Variants in DLG5 observed in about 807,000 individuals in gnomAD.
DLG5 encodes the protein disks large homolog 5.
DLG5 carries 48 observed loss-of-function variants against 189.8 expected under a neutral mutation model. The observed-to-expected ratio is 0.25, with a 90% CI of 0.20 to 0.32. The LOEUF (loss-of-function observed/expected upper bound fraction) is 0.32, where lower values mean the gene tolerates loss of function less well. DLG5 is among the 10% of genes least tolerant of loss of function. The pLI, the probability that DLG5 is intolerant of heterozygous loss-of-function variation, is 1.00. For synonymous variants in DLG5, 1,016 were observed against 1,054.1 expected (o/e 0.96, Z 0.70); for missense variants, 2,160 against 2,544.7 (o/e 0.85, Z 3.25).
chr10:77,926,851 G>GCTCCCC (rs759971426), upstream of DLG5: 732 of 210,420 alleles, frequency 3.5e-3, 6 homozygotes, highest in African/African-American at 0.016. This position sits in a 1 kb window ranked among gnomAD's most constrained non-coding sequence, Gnocchi z 5.2. Context: ...AGCCGGGCAT[G>GCTCCCC]CTCCCCCTCC....
intron 27 of DLG5, among the ~76,000 whole-genome samples, chr10:77,801,757 T>C (rs1380240423): frequency 3.3e-5 from 5 of 152,210 alleles, no homozygotes; most frequent in African/African-American, 1.2e-4. Context: ...CCTGGAAAGA[T>C]GACTTCTCAC....
chr10:77,821,635 G>T lies in DLG5; in HGVS notation c.2849C>A (p.Ala950Asp). The T allele has an allele frequency of 1.2e-6, 2 of 1,612,766 alleles. No homozygotes were observed. The highest frequency in any genetic ancestry group is 2.2e-5 in the South Asian group (2 of 91,078). Reference sequence around the variant, plus strand: ...AGGCACTGCCGTGGAGCTGAGCATGGCCTTGGGCCAGGTCCCGCCGCTGTT... The same window carrying T: ...AGGCACTGCCGTGGAGCTGAGCATGTCCTTGGGCCAGGTCCCGCCGCTGTT... ...GSNSGGTWPK[A>D]MLSSTAVPEK... The change falls in exon 15 of 32, where the codon GCC becomes GAC. Residue 950 changes from alanine (A) to aspartate (D), a missense_variant. This residue lies in a region of DLG5 where 754 missense variants were observed against 746.5 expected (regional missense o/e 1.01). Transcript: ENST00000372391.
chr10:77,824,371 G>A lies in DLG5; in HGVS notation c.2382+13C>T. ...CTCCTGACCGTGAGAGCAGAGCCAG[G>A]TCCAGCCCTTACCTTCAGGAGGGAC... On this transcript the variant is annotated intron_variant, in intron 14 of 31. Coordinates refer to ENST00000372391, the MANE Select transcript of DLG5 (RefSeq NM_004747.4). 1 of 1,600,044 alleles carries A rather than the reference G, an allele frequency of 6.2e-7. No individual in the cohort carries two copies. Among genetic ancestry groups the A allele is most frequent in the Non-Finnish European group, 8.6e-7 (1 of 1,167,902 alleles).
intron 8 of DLG5, among the ~76,000 whole-genome samples, chr10:77,835,535 G>A (rs928502296): frequency 2.0e-5 from 3 of 152,210 alleles, no homozygotes; most frequent in Admixed American, 6.5e-5. Flanking sequence ...AGGGCTGAGT[G>A]AGATGGGAGG....
At chr10:77,818,075 C>A (rs115322765) in intron 17 of DLG5, among the ~76,000 whole-genome samples, 186 bp from the exon 18 acceptor site, 2,231 of 152,170 alleles carry the variant, frequency 0.015, 53 homozygotes, top group African/African-American at 0.051. Context: ...CCACTAAGAG[C>A]CTTCAGGAAG....
chr10:77,842,256 CGCT>C lies in DLG5; in HGVS notation c.1125-66_1125-64del, dbSNP rs1337456149. 4 of 1,548,464 alleles carry C rather than the reference CGCT, an allele frequency of 2.6e-6. No homozygotes were observed. The East Asian group carries it at 6.8e-5, about 26-fold the overall frequency. ...GCCCTGCCCGGTCAGTGGCCGGCTG[CGCT>C]GCTGCCTCCCGCCAGCTCTACTGTG... is the stretch of plus-strand genomic sequence containing the variant. On this transcript the variant is annotated intron_variant, in intron 6 of 31. Coordinates refer to ENST00000372391, the MANE Select transcript of DLG5 (RefSeq NM_004747.4).
At chr10:77,853,751 A>C (rs1045049545) in intron 4 of DLG5, among the ~76,000 whole-genome samples, 1 of 152,186 alleles carries the variant, frequency 6.6e-6, no homozygotes, top group Non-Finnish European at 1.5e-5. Context: ...ACCTGACACC[A>C]AAAAGGGCAC....
chr10:77,886,591 G>A (rs1284204648), intron 1 of DLG5, among the ~76,000 whole-genome samples: 1 of 152,134 alleles, frequency 6.6e-6, no homozygotes, highest in Non-Finnish European at 1.5e-5. Context: ...CTGACCTCAA[G>A]TGATCTGCCT....
At chr10:77,869,421 G>T (rs1307478594) in intron 1 of DLG5, 2 of 510,594 alleles carry the variant, frequency 3.9e-6, no homozygotes, top group Non-Finnish European at 6.9e-6. Flanking sequence ...GCTCTGGGCA[G>T]GCGGGCAGAG....
intron 1 of DLG5, among the ~76,000 whole-genome samples, chr10:77,917,819 G>C (rs1416692678): frequency 6.6e-6 from 1 of 151,920 alleles, no homozygotes; most frequent in Middle Eastern, 3.2e-3. Context: ...CTGAGGTACG[G>C]AGTTCGAGAC....
chr10:77,918,480 C>G (rs1307562456), intron 1 of DLG5, among the ~76,000 whole-genome samples: 1 of 151,910 alleles, frequency 6.6e-6, no homozygotes, highest in Admixed American at 6.6e-5. Flanking sequence ...TGTTTAAATC[C>G]TCAAAGCAAA....
At chr10:77,924,433 A>G (rs1846625948) in intron 1 of DLG5, among the ~76,000 whole-genome samples, 1 of 152,180 alleles carries the variant, frequency 6.6e-6, no homozygotes, top group Non-Finnish European at 1.5e-5. Flanking sequence ...CAATTGATCC[A>G]TCAATCAATT....
intron 5 of DLG5, among the ~76,000 whole-genome samples, chr10:77,847,607 G>A (rs1843756809): frequency 6.6e-6 from 1 of 152,050 alleles, no homozygotes; most frequent in Non-Finnish European, 1.5e-5. Context: ...TTTCCCTCTC[G>A]CCATCAGAGG....
intron 1 of DLG5, among the ~76,000 whole-genome samples, chr10:77,908,689 C>A (rs988853643): frequency 3.3e-5 from 5 of 152,278 alleles, no homozygotes; most frequent in African/African-American, 1.2e-4. Flanking sequence ...CACCCTCCTT[C>A]CTTAGGCACT....
rs535350232 is a variant in DLG5, at chr10:77,885,641, C to T, written c.305-16444G>A. Among the ~76,000 whole-genome samples, 10 of 152,322 alleles carry T rather than the reference C, an allele frequency of 6.6e-5. No individual in the cohort carries two copies. In the South Asian group the frequency reaches 1.7e-3, roughly 25 times the overall value. On this transcript the variant is annotated intron_variant, in intron 1 of 31. Transcript: ENST00000372391. ...GCAGTCTCATCTCAATGGACTGGGA[C>T]CCTCCAGCCTGCACCACTATGGCTG...
At chr10:77,854,728 G>A (rs1844148012) in intron 3 of DLG5, among the ~76,000 whole-genome samples, 1 of 152,138 alleles carries the variant, frequency 6.6e-6, no homozygotes, top group Non-Finnish European at 1.5e-5. Flanking sequence ...GCTCGTGCCT[G>A]TAATCCCAGC....
At chr10:77,831,735 C>T (rs1240946686) in intron 9 of DLG5, among the ~76,000 whole-genome samples, 1 of 152,170 alleles carries the variant, frequency 6.6e-6, no homozygotes, top group African/African-American at 2.4e-5. Flanking sequence ...CATCCATGGC[C>T]AAAGAAATGT....
intron 1 of DLG5, among the ~76,000 whole-genome samples, chr10:77,898,854 T>A (rs529265717): frequency 2.0e-5 from 3 of 152,170 alleles, no homozygotes; most frequent in African/African-American, 7.2e-5. Context: ...GGGAGGGCAC[T>A]CACCCAAAGT....
intron 5 of DLG5, among the ~76,000 whole-genome samples, chr10:77,848,974 A>C (rs1843828973): frequency 6.6e-6 from 1 of 152,220 alleles, no homozygotes; most frequent in African/African-American, 2.4e-5. Flanking sequence ...TCCCCAACCA[A>C]GCCTTGTCAG....
Sources: gnomAD v4.1 joint callset for allele counts (sites outside exome capture counted in the v4.1 genomes callset) on GRCh38, gnomAD v4.1.1 for gene constraint, gnomAD v4.1.1 regional missense constraint, Gnocchi (gnomAD v3.1) non-coding constraint, MANE v1.5 for transcripts, NCBI Gene and HGNC (gene_info 2026-07-23, HGNC 2026-07-21) for gene names.